FAN1: variants seen among roughly 807,000 people sequenced by gnomAD.
FAN1 encodes the protein fanconi-associated nuclease 1.
A neutral mutation model predicts 104.9 loss-of-function variants in FAN1; 91 were observed. The observed-to-expected ratio is 0.87, with a 90% CI of 0.73 to 1.03. The LOEUF (loss-of-function observed/expected upper bound fraction) is 1.03, where lower values mean the gene tolerates loss of function less well. FAN1 is among the 50% of genes least tolerant of loss of function. The pLI is 0.00. For synonymous variants in FAN1, 478 were observed against 457.6 expected, an observed-to-expected ratio of 1.04 and a Z score of -0.57; for missense variants, 1,263 against 1,239.9, an observed-to-expected ratio of 1.02 and a Z score of -0.28.
intron 13 of FAN1, among the ~76,000 whole-genome samples, chr15:30,931,802 T>G (rs1017184874): frequency 6.6e-6 from 1 of 152,196 alleles, no homozygotes; most frequent in Non-Finnish European, 1.5e-5. Context: ...TTGATTATTG[T>G]AGCTTTAGAT....
At chr15:30,929,498 A>AC in intron 12 of FAN1, 101 bp downstream of exon 12, 1 of 719,156 alleles carries the variant, frequency 1.4e-6, no homozygotes, top group Non-Finnish European at 2.3e-6. Flanking sequence ...GTGTATATGT[A>AC]AATACATGTA....
intron 12 of FAN1, 42 bp from the exon 13 acceptor site, chr15:30,930,501 G>A: frequency 6.4e-7 from 1 of 1,557,840 alleles, no homozygotes; most frequent in South Asian, 1.2e-5. Flanking sequence ...TCCATTCTCT[G>A]TCACGAGGGA....
intron 2 of FAN1, 68 bp from the exon 3 acceptor site, chr15:30,908,050 C>G: frequency 1.5e-6 from 2 of 1,347,130 alleles, no homozygotes; most frequent in Non-Finnish European, 2.0e-6. Context: ...CTAAATCGTA[C>G]ATTTATTCAC....
At chr15:30,926,888 C>T (rs996502291) in intron 10 of FAN1, 1 of 985,424 alleles carries the variant, frequency 1.0e-6, no homozygotes, top group South Asian at 4.7e-5. Context: ...TGAACTCTGG[C>T]TGCCAGGCTT....
chr15:30,929,081 T>C (rs2062545609), intron 11 of FAN1, 122 bp from the exon 12 acceptor site: 3 of 866,052 alleles, frequency 3.5e-6, no homozygotes, highest in Non-Finnish European at 5.3e-6. Flanking sequence ...CTTTTACTTA[T>C]CTTTTGAGAG....
intron 4 of FAN1, among the ~76,000 whole-genome samples, chr15:30,913,205 A>G (rs1005893583): frequency 6.6e-6 from 1 of 152,084 alleles, no homozygotes; most frequent in African/African-American, 2.4e-5. Flanking sequence ...AGGAGTGTGA[A>G]CCCTATTGTG....
chr15:30,905,670 T>G lies in FAN1; in HGVS notation c.1007T>G (p.Ile336Ser). The G allele has an allele frequency of 1.2e-6, 2 of 1,614,142 alleles. No homozygotes were observed. Among genetic ancestry groups the G allele is most frequent in the Non-Finnish European group, 1.7e-6 (2 of 1,179,976 alleles). Residue 336 changes from isoleucine to serine, a missense_variant, in exon 2 of 15, where the codon ATC becomes AGC. Physicochemically the swap from Ile to Ser is moderately radical, Grantham distance 142. Transcript: ENST00000362065. ...SADDASAWSN[I>S]QEAPLQDDSC... ...GATGATGCTTCTGCATGGAGTAACATCCAAGAGGCTCCTCTGCAGGATGAC... is the reference window on the plus strand; with the variant it reads ...GATGATGCTTCTGCATGGAGTAACAGCCAAGAGGCTCCTCTGCAGGATGAC...
rs767471529 is a variant in FAN1 at position 30,925,937 on chromosome 15, A to G, written c.2486A>G (p.Gln829Arg). 6.2e-7 allele frequency: 1 copy of G among 1,614,060 alleles called. No homozygotes were observed. Among genetic ancestry groups the G allele is most frequent in the Non-Finnish European group, 8.5e-7 (1 of 1,179,958 alleles). ...LAHYRRSGFDQGIHGEGSTFS... is the reference protein window; with the variant it reads ...LAHYRRSGFDRGIHGEGSTFS... Reference sequence around the variant, plus strand: ...CATTACAGACGCAGCGGTTTTGACCAGGGTAACTGAGCAGGCTTTCTCTTG... The same window carrying G: ...CATTACAGACGCAGCGGTTTTGACCGGGGTAACTGAGCAGGCTTTCTCTTG... The change falls in exon 10 of 15, where the codon CAG becomes CGG. Residue 829 changes from glutamine (Q) to arginine (R), a missense_variant and splice_region_variant. Gln to Arg is a conservative substitution (Grantham distance 43). This residue lies in a region of FAN1 where 581 missense variants were observed against 668.8 expected (regional missense o/e 0.87). Coordinates refer to ENST00000362065, the MANE Select transcript of FAN1 (RefSeq NM_014967.5).
intron 13 of FAN1, 50 bp downstream of exon 13, chr15:30,930,721 G>A: frequency 6.2e-7 from 1 of 1,600,288 alleles, no homozygotes; most frequent in Non-Finnish European, 8.5e-7. Flanking sequence ...ATTAGCAACT[G>A]AATCAGAGGC....
chr15:30,922,826 G>A (rs1270629806), intron 8 of FAN1, among the ~76,000 whole-genome samples: 1 of 152,230 alleles, frequency 6.6e-6, no homozygotes, highest in East Asian at 1.9e-4. Context: ...CTTCTGTGAG[G>A]TGTTTTGCTC....
At chr15:30,922,574 T>TA (rs1322752369) in intron 8 of FAN1, among the ~76,000 whole-genome samples, 1 of 152,178 alleles carries the variant, frequency 6.6e-6, no homozygotes, top group Non-Finnish European at 1.5e-5. Flanking sequence ...TCTTTGCTGA[T>TA]TGGCGAGATG....
chr15:30,942,445 C>G lies in FAN1; in HGVS notation c.*883C>G. On this transcript the variant is annotated 3_prime_UTR_variant, in exon 15 of 15. Coordinates refer to ENST00000362065, the MANE Select transcript of FAN1 (RefSeq NM_014967.5). ...GAGGCCAAATGTCTGATTCTTTGTT[C>G]TGTACCTTTCAGTAGTCTGCAAATT... 1 of 302,396 alleles carries G rather than the reference C, an allele frequency of 3.3e-6. No individual in the cohort carries two copies. 18.7% of individuals were successfully genotyped at this position (302,396 alleles called of 1,614,324 possible).
chr15:30,925,949 C>T lies in FAN1; in HGVS notation c.2488+10C>T. 2 of 1,613,762 alleles carry T rather than the reference C, an allele frequency of 1.2e-6. No individual in the cohort carries two copies. The highest frequency in any genetic ancestry group is 1.7e-6 in the Non-Finnish European group (2 of 1,179,766). ...AGCGGTTTTGACCAGGGTAACTGAG[C>T]AGGCTTTCTCTTGTGGCACCCAGCC... On this transcript the variant is annotated intron_variant, in intron 10 of 14. Coordinates refer to ENST00000362065, the MANE Select transcript of FAN1 (RefSeq NM_014967.5).
At chr15:30,928,270 A>G in intron 10 of FAN1, 2 of 1,209,422 alleles carry the variant, frequency 1.7e-6, no homozygotes, top group Non-Finnish European at 2.1e-6. Flanking sequence ...TAGGTTATTC[A>G]CTAAAGTTTG....
At chr15:30,922,963 G>A (rs1019135144) in intron 8 of FAN1, among the ~76,000 whole-genome samples, 1 of 152,258 alleles carries the variant, frequency 6.6e-6, no homozygotes, top group African/African-American at 2.4e-5. Context: ...CGCAGAGCCT[G>A]TGCCTGTGGG....
Position 30,942,332 on chromosome 15 carries a change from T to G in FAN1, c.*770T>G. ...AGTACCTCCTATCCACTAATTTGCT[T>G]AAGGATAAGTTCTAAGACGGGCTAG... On this transcript the variant is annotated 3_prime_UTR_variant, in exon 15 of 15. Transcript: ENST00000362065. 1 of 530,212 alleles carries G rather than the reference T, an allele frequency of 1.9e-6. No homozygotes were observed. The highest frequency in any genetic ancestry group is 3.2e-5 in the East Asian group (1 of 30,826). The allele number at this position is 530,212 out of a possible 1,614,324, so 32.8% of individuals were successfully genotyped here.
intron 12 of FAN1, among the ~76,000 whole-genome samples, chr15:30,929,631 T>G (rs1238754793): frequency 2.2e-4 from 27 of 123,230 alleles, no homozygotes; most frequent in South Asian, 8.7e-4. Context: ...TATTATATAT[T>G]ATACAATATA....
At chr15:30,937,057 T>TA (rs1365933019) in intron 13 of FAN1, 62 bp from the exon 14 acceptor site, 46 of 1,427,918 alleles carry the variant, frequency 3.2e-5, no homozygotes, top group Non-Finnish European at 4.3e-5. Context: ...AACTACAACT[T>TA]ACTTGAATGG....
intron 5 of FAN1, among the ~76,000 whole-genome samples, chr15:30,917,484 TCTTA>T (rs1398389840): frequency 1.3e-5 from 2 of 152,222 alleles, no homozygotes; most frequent in Non-Finnish European, 2.9e-5. Context: ...ATTTCTTTAC[TCTTA>T]CTTTACAGTG....
Sources: gnomAD v4.1 joint callset for allele counts (sites outside exome capture counted in the v4.1 genomes callset) on GRCh38, gnomAD v4.1.1 for gene constraint, gnomAD v4.1.1 regional missense constraint, MANE v1.5 for transcripts, NCBI Gene and HGNC (gene_info 2026-07-23, HGNC 2026-07-21) for gene names.